TAFA2: variants seen among roughly 807,000 people sequenced by gnomAD.
TAFA2 encodes TAFA chemokine like family member 2, also known as chemokine-like protein TAFA-2.
In TAFA2, 7 loss-of-function variants were observed where a neutral mutation model predicts 18.8. The ratio of observed to expected loss-of-function variants is 0.37; its 90% confidence interval spans 0.21 to 0.70. The LOEUF (loss-of-function observed/expected upper bound fraction) is 0.70, where lower values mean the gene tolerates loss of function less well. Among genes scored for constraint, TAFA2 ranks in the 30% least tolerant of loss-of-function variants. The probability of loss-of-function intolerance (pLI) is 0.53; values close to 1 mark genes in which losing one functional copy is unlikely to be tolerated. For missense variants in TAFA2, 122 were observed against 158.1 expected (o/e 0.77, Z 1.23); for synonymous variants, 60 against 54.2 (o/e 1.11, Z -0.47).
chr12:62,237,240 G>A (rs1443503739), intron 1 of TAFA2, among the ~76,000 whole-genome samples: 4 of 152,186 alleles, frequency 2.6e-5, no homozygotes, highest in Non-Finnish European at 4.4e-5. Context: ...GGGCGCGGTG[G>A]CTCACGCCTG....
intron 1 of TAFA2, among the ~76,000 whole-genome samples, chr12:61,920,243 C>A (rs1444154451): frequency 1.3e-5 from 2 of 151,920 alleles, no homozygotes; most frequent in East Asian, 3.9e-4. Flanking sequence ...CTTATGCCAC[C>A]CCAAAATATT....
At chr12:61,993,994 C>T (rs17653200) in intron 1 of TAFA2, among the ~76,000 whole-genome samples, 20,278 of 152,078 alleles carry the variant, frequency 0.13, 1,735 homozygotes, top group East Asian at 0.26. Flanking sequence ...CTCTCACAAC[C>T]AGATCCTGCT....
intron 1 of TAFA2, among the ~76,000 whole-genome samples, chr12:61,933,555 A>G (rs1209311441): frequency 2.6e-5 from 4 of 152,078 alleles, no homozygotes; most frequent in Non-Finnish European, 5.9e-5. Flanking sequence ...TCTACAAAAA[A>G]ATTAAAAAAT....
At chr12:61,854,169 G>C (rs1048312490) in intron 2 of TAFA2, among the ~76,000 whole-genome samples, 1 of 152,018 alleles carries the variant, frequency 6.6e-6, no homozygotes, top group Non-Finnish European at 1.5e-5. Flanking sequence ...TAGAAGGAGA[G>C]ACTATGCAAT....
At position 61,946,151 on chromosome 12, in the gene TAFA2, C is replaced by T. The variant is rs950049611; in HGVS notation, c.-1-78725G>A. 1.8e-4 allele frequency among the ~76,000 whole-genome samples: 27 copies of T among 150,648 alleles called. No homozygotes were observed. The Middle Eastern group carries it at 0.017, about 96-fold the overall frequency. ...AGAACAGAGCCCTCAGAAATAATGC[C>T]GCTTACCTACAACTATCTGATCTTT... On this transcript the variant is annotated intron_variant, in intron 1 of 4. Transcript: ENST00000416284.
chr12:61,867,267 T>C (rs959899719), intron 2 of TAFA2, 53 bp downstream of exon 2: 2 of 1,125,396 alleles, frequency 1.8e-6, no homozygotes, highest in Admixed American at 3.9e-5. Context: ...ACAGTCTGTG[T>C]TAAGGGTAGT....
At chr12:62,032,661 C>A (rs1401264519) in intron 1 of TAFA2, among the ~76,000 whole-genome samples, 4 of 150,332 alleles carry the variant, frequency 2.7e-5, no homozygotes, top group African/African-American at 7.3e-5. Context: ...TATAAGACTT[C>A]TTGATGCATT....
chr12:61,839,067 G>T (rs945423655), intron 2 of TAFA2, among the ~76,000 whole-genome samples: 2 of 151,996 alleles, frequency 1.3e-5, no homozygotes, highest in East Asian at 3.9e-4. Flanking sequence ...CCTCAGACTT[G>T]CTTTCTCAGA....
intron 1 of TAFA2, among the ~76,000 whole-genome samples, chr12:61,919,920 C>T (rs945412462): frequency 2.6e-5 from 4 of 152,024 alleles, no homozygotes; most frequent in African/African-American, 9.7e-5. Context: ...ATTTTTGCCT[C>T]GTCAGTATAA....
At chr12:62,194,585 A>G (rs1049976805), upstream of TAFA2, among the ~76,000 whole-genome samples, 1 of 152,238 alleles carries the variant, frequency 6.6e-6, no homozygotes, top group Non-Finnish European at 1.5e-5. Context: ...CTGAAATTCT[A>G]TCATAACCTC....
At position 61,934,417 on chromosome 12, in the gene TAFA2, C is replaced by T. The variant is rs117708504; in HGVS notation, c.-1-66991G>A. Among the ~76,000 whole-genome samples, 1,154 of 152,296 alleles carry T rather than the reference C, an allele frequency of 7.6e-3. 13 individuals carry two copies. The highest frequency in any genetic ancestry group is 0.014 in the South Asian group (70 of 4,828). ...GCCTAATCTTCACCACCAGTAATGA[C>T]ACAAATTAAAGTTAAGTACTGGGAG... On this transcript the variant is annotated intron_variant, in intron 1 of 4. Coordinates refer to ENST00000416284, the MANE Select transcript of TAFA2 (RefSeq NM_178539.5).
At chr12:61,732,463 A>C (rs961754794) in intron 4 of TAFA2, among the ~76,000 whole-genome samples, 6 of 152,098 alleles carry the variant, frequency 3.9e-5, no homozygotes, top group African/African-American at 1.4e-4. Flanking sequence ...AGTCACACTA[A>C]AAAGAAATGC....
chr12:61,772,941 A>G (rs747702584), intron 2 of TAFA2, among the ~76,000 whole-genome samples: 5 of 151,758 alleles, frequency 3.3e-5, no homozygotes, highest in Non-Finnish European at 7.4e-5. Flanking sequence ...CTGATAATAT[A>G]ATCATATACC....
intron 2 of TAFA2, among the ~76,000 whole-genome samples, chr12:61,860,463 CAA>C (rs893874599): frequency 6.6e-6 from 1 of 152,138 alleles, no homozygotes; most frequent in Non-Finnish European, 1.5e-5. Context: ...CAAGCCAGCC[CAA>C]GAGATCCTTC....
At position 61,807,584 on chromosome 12, in the gene TAFA2, T is replaced by C. The variant is rs1017858253; in HGVS notation, c.107-52560A>G. ...TACCCTAGAATGGTAGATCCACTGA[T>C]AACTTGCACTGTGCACCTGGAAAAG... On this transcript the variant is annotated intron_variant, in intron 2 of 4. Coordinates refer to ENST00000416284, the MANE Select transcript of TAFA2 (RefSeq NM_178539.5). 6.6e-5 allele frequency among the ~76,000 whole-genome samples: 10 copies of C among 151,276 alleles called. 1 individual carries two copies. The highest frequency in any genetic ancestry group is 2.5e-4 in the African/African-American group (10 of 40,592).
chr12:61,747,049 T>A (rs1028801237), intron 4 of TAFA2, among the ~76,000 whole-genome samples: 4 of 151,960 alleles, frequency 2.6e-5, no homozygotes, highest in African/African-American at 9.7e-5. Flanking sequence ...CATCAAAAAG[T>A]GGGCAAAGGA....
chr12:62,120,932 T>C (rs1452728182), intron 1 of TAFA2, among the ~76,000 whole-genome samples: 1 of 152,078 alleles, frequency 6.6e-6, no homozygotes, highest in Non-Finnish European at 1.5e-5. Context: ...CTCGGCTCAC[T>C]GCAGCCTCTG....
chr12:61,916,838 T>C (rs2121355414), intron 1 of TAFA2, among the ~76,000 whole-genome samples: 1 of 152,330 alleles, frequency 6.6e-6, no homozygotes, highest in African/African-American at 2.4e-5. Context: ...TCTCCATTTT[T>C]TTCTTGAAAA....
intron 2 of TAFA2, among the ~76,000 whole-genome samples, chr12:61,833,501 A>AT (rs1205063279): frequency 1.3e-5 from 2 of 151,834 alleles, no homozygotes; most frequent in African/African-American, 4.8e-5. Context: ...CTGGATTCTT[A>AT]TTTTTTCTTA....
Sources: allele counts gnomAD v4.1 joint callset (sites outside exome capture counted in the v4.1 genomes callset), GRCh38; gene constraint gnomAD v4.1.1; transcripts MANE v1.5; gene names NCBI Gene and HGNC (gene_info 2026-07-23, HGNC 2026-07-21).